PLCB4: variants seen among roughly 807,000 people sequenced by gnomAD.
PLCB4 encodes the protein 1-phosphatidylinositol 4,5-bisphosphate phosphodiesterase beta-4.
A neutral mutation model predicts 178.8 loss-of-function variants in PLCB4; 77 were observed. The ratio of observed to expected loss-of-function variants is 0.43; its 90% CI spans 0.36 to 0.52. The LOEUF is 0.52. Among genes scored for constraint, PLCB4 ranks in the 20% least tolerant of loss-of-function variants. PLCB4 has a pLI of 0.00. For synonymous variants in PLCB4, 496 were observed against 490.8 expected (o/e 1.01, Z -0.14); for missense variants, 1,024 against 1,453.4 (o/e 0.70, Z 4.80).
At chr20:9,379,480 G>T (rs552474231) in intron 12 of PLCB4, among the ~76,000 whole-genome samples, 1 of 151,906 alleles carries the variant, frequency 6.6e-6, no homozygotes, top group South Asian at 2.1e-4. Flanking sequence ...CAATTGGTTC[G>T]TTTTGAAAAA....
intron 2 of PLCB4, among the ~76,000 whole-genome samples, chr20:9,186,732 G>A (rs530775186): frequency 6.6e-6 from 1 of 152,188 alleles, no homozygotes; most frequent in South Asian, 2.1e-4. Flanking sequence ...CTCTCTGCAG[G>A]TGCCTTCTAC....
intron 3 of PLCB4, among the ~76,000 whole-genome samples, chr20:9,221,635 A>G (rs1473808754): frequency 6.6e-6 from 1 of 152,224 alleles, no homozygotes; most frequent in Non-Finnish European, 1.5e-5. Context: ...CTGAGAATGG[A>G]GTCAGCTACT....
chr20:9,093,397 T>C (rs2090768387), intron 1 of PLCB4, among the ~76,000 whole-genome samples: 1 of 152,182 alleles, frequency 6.6e-6, no homozygotes, highest in South Asian at 2.1e-4. Flanking sequence ...GCTGAGTTGC[T>C]CTGGTTTTCC....
At chr20:9,421,533 C>A in intron 27 of PLCB4, 72 bp downstream of exon 27, 1 of 1,204,784 alleles carries the variant, frequency 8.3e-7, no homozygotes, top group Non-Finnish European at 1.2e-6. Context: ...AGACGCTACA[C>A]GATACAGGGG....
intron 37 of PLCB4, 104 bp from the exon 38 acceptor site, chr20:9,473,175 T>C (rs1460852231): frequency 2.9e-5 from 19 of 645,104 alleles, no homozygotes; most frequent in Non-Finnish European, 4.3e-5. Context: ...AAAAAATTAT[T>C]ATCTCTTTCA....
intron 4 of PLCB4, among the ~76,000 whole-genome samples, chr20:9,321,911 C>T (rs1200445680): frequency 2.6e-5 from 4 of 151,504 alleles, no homozygotes; most frequent in Non-Finnish European, 5.9e-5. Flanking sequence ...GTATTACAGG[C>T]GTGAGAGCCA....
chr20:9,473,489 GC>G, intron 38 of PLCB4, 124 bp downstream of exon 38: 1 of 477,432 alleles, frequency 2.1e-6, no homozygotes, highest in Non-Finnish European at 3.8e-6. Context: ...AGAATTTGTT[GC>G]CCATTACTAT....
chr20:9,373,975 A>C (rs2036465075), intron 12 of PLCB4, among the ~76,000 whole-genome samples: 1 of 152,200 alleles, frequency 6.6e-6, no homozygotes, highest in Admixed American at 6.5e-5. Flanking sequence ...GTTTCAAAAT[A>C]ATTTAAGTTA....
chr20:9,224,904 A>G (rs2093844362), intron 3 of PLCB4, among the ~76,000 whole-genome samples: 1 of 152,120 alleles, frequency 6.6e-6, no homozygotes, highest in Admixed American at 6.5e-5. Flanking sequence ...TTACCTCAAC[A>G]TGGGCTCTGA....
At chr20:9,411,467 G>T (rs1359924359) in intron 25 of PLCB4, among the ~76,000 whole-genome samples, 3 of 152,134 alleles carry the variant, frequency 2.0e-5, no homozygotes, top group Non-Finnish European at 4.4e-5. Flanking sequence ...AAATAATGAA[G>T]TTAATTTCAT....
At chr20:9,271,387 T>G (rs2094400895) in intron 3 of PLCB4, among the ~76,000 whole-genome samples, 2 of 152,244 alleles carry the variant, frequency 1.3e-5, no homozygotes, top group South Asian at 4.1e-4. Context: ...ATTTAACAGT[T>G]AAGGAAGCTG....
chr20:9,191,300 T>C (rs2093399666), intron 2 of PLCB4, among the ~76,000 whole-genome samples: 1 of 151,536 alleles, frequency 6.6e-6, no homozygotes. Flanking sequence ...AAGTGATCTT[T>C]AGGACTAGTG....
intron 2 of PLCB4, among the ~76,000 whole-genome samples, chr20:9,211,816 C>T (rs1178487352): frequency 6.6e-6 from 1 of 152,152 alleles, no homozygotes; most frequent in African/African-American, 2.4e-5. Context: ...TCTACATTAC[C>T]TCTCCATGTA....
chr20:9,089,659 A>T (rs1441463490), intron 1 of PLCB4, among the ~76,000 whole-genome samples: 1 of 152,170 alleles, frequency 6.6e-6, no homozygotes, highest in Non-Finnish European at 1.5e-5. Flanking sequence ...GTCCAATATC[A>T]TCAGAAATCT....
At chr20:9,444,783 C>A (rs1416941777) in intron 32 of PLCB4, among the ~76,000 whole-genome samples, 3 of 151,906 alleles carry the variant, frequency 2.0e-5, no homozygotes, top group Non-Finnish European at 4.4e-5. Context: ...AAAATTATTT[C>A]ACTAATAACA....
chr20:9,238,056 C>A (rs114187348), intron 3 of PLCB4, among the ~76,000 whole-genome samples: 12 of 151,876 alleles, frequency 7.9e-5, no homozygotes, highest in Non-Finnish European at 1.5e-4. Flanking sequence ...ATAGGGACTG[C>A]GAAAGAAGGA....
In PLCB4 at chr20:9,384,295, C is replaced by A; in HGVS notation, c.948C>A (p.Asp316Glu). Residue 316 changes from aspartate (D) to glutamate (E), a missense_variant, in exon 14 of 40, where the codon GAC becomes GAA. Physicochemically the swap from Asp to Glu is conservative, Grantham distance 45 (BLOSUM62 2). Around this residue, in one of 7 missense-constraint regions of PLCB4, gnomAD observed 263 missense variants for 417.4 expected, o/e 0.63. Coordinates refer to ENST00000378473, the MANE Select transcript of PLCB4 (RefSeq NM_001377142.1). ...LDRLELYQEM[D>E]HPLAHYFISS... ...GTTTAGAACTTTACCAAGAAATGGA[C>A]CATCCTCTGGCTCACTACTTCATCA... 2 of 1,613,780 alleles carry A rather than the reference C, an allele frequency of 1.2e-6. No homozygotes were observed. Among genetic ancestry groups the A allele is most frequent in the Non-Finnish European group, 1.7e-6 (2 of 1,179,678 alleles).
At chr20:9,155,249 C>T (rs565743604) in intron 2 of PLCB4, among the ~76,000 whole-genome samples, 122 of 152,118 alleles carry the variant, frequency 8.0e-4, no homozygotes, top group African/African-American at 2.8e-3. Context: ...ATGTCTCCAG[C>T]GCCATCCAAG....
rs145825282 is a variant in PLCB4 at position 9,448,164 on chromosome 20, A to G, written c.2880+3921A>G. Among the ~76,000 whole-genome samples, 86 of 152,254 alleles carry G rather than the reference A, an allele frequency of 5.6e-4. 2 individuals are homozygous for G. In the East Asian group the frequency reaches 0.016, roughly 29 times the overall value. On this transcript the variant is annotated intron_variant, in intron 32 of 39. Transcript: ENST00000378473. ...CTTTTGAGCCCTTAGTAGAAACCCC[A>G]CTAATCGCCTGCAAAGACACTTATC... is the stretch of plus-strand genomic sequence containing the variant.
Sources: gnomAD v4.1 joint callset for allele counts (sites outside exome capture counted in the v4.1 genomes callset) on GRCh38, gnomAD v4.1.1 for gene constraint, gnomAD v4.1.1 regional missense constraint, MANE v1.5 for transcripts, NCBI Gene and HGNC (gene_info 2026-07-23, HGNC 2026-07-21) for gene names.